The following ZNF462 variants were observed in gnomAD, a reference collection of about 807,000 sequenced individuals.
ZNF462 encodes the protein zinc finger protein 462.
ZNF462 carries 10 observed loss-of-function variants against 201.9 expected under a neutral mutation model. The ratio of observed to expected loss-of-function variants is 0.05; its 90% CI spans 0.03 to 0.08. The LOEUF is 0.08. Ranked by LOEUF, ZNF462 falls within the 10% of genes least tolerant of loss-of-function variation. ZNF462 has a pLI of 1.00. For synonymous variants in ZNF462, 1,227 were observed against 1,193.3 expected (o/e 1.03, Z -0.58); for missense variants, 2,523 against 3,168.3 (o/e 0.80, Z 4.89).
At position 106,984,233 on chromosome 9, in the gene ZNF462, T is replaced by C. The variant is rs1827658471; in HGVS notation, c.6880T>C (p.Tyr2294His). ...IEVCRSKLSK[Y>H]LQGVVFRCDK... Reference sequence around the variant, plus strand: ...AGTTTGCCGGTCCAAACTGTCCAAATACTTGCAGGGAGTAGTTTTCCGCTG... The same window carrying C: ...AGTTTGCCGGTCCAAACTGTCCAAACACTTGCAGGGAGTAGTTTTCCGCTG... The change falls in exon 10 of 13, where the codon TAC becomes CAC. Residue 2294 changes from tyrosine (Y) to histidine (H), a missense_variant. Around this residue, in one of 15 missense-constraint regions of ZNF462, gnomAD observed 228 missense variants for 361.2 expected, o/e 0.63. Coordinates refer to ENST00000277225, the MANE Select transcript of ZNF462 (RefSeq NM_021224.6). The surrounding 1 kb of genome is among the most constrained non-coding windows in gnomAD (Gnocchi z 6.4). The C allele has an allele frequency of 6.2e-7, 1 of 1,613,982 alleles. No homozygotes were observed. The highest frequency in any genetic ancestry group is 1.7e-5 in the Admixed American group (1 of 59,984).
Position 106,928,304 on chromosome 9 carries a change from C to T in ZNF462, c.4392C>T (p.Ala1464=), listed in dbSNP as rs1446186477. The T allele has an allele frequency of 1.2e-6, 2 of 1,614,006 alleles. No homozygotes were observed. The highest frequency in any genetic ancestry group is 2.7e-5 in the African/African-American group (2 of 74,910). The change falls in exon 3 of 13, where the codon GCC becomes GCT. Residue 1464 remains alanine, a synonymous_variant. Coordinates refer to ENST00000277225, the MANE Select transcript of ZNF462 (RefSeq NM_021224.6). This position sits in a 1 kb window ranked among gnomAD's most constrained non-coding sequence, Gnocchi z 9.3. ...KSLQLASANP[A]ISSTPYQCTV... ...TGCAGCTAGCTTCAGCCAACCCCGC[C>T]ATATCCTCCACCCCATACCAGTGCA...
chr9:106,952,026 C>T (rs371774173), intron 7 of ZNF462, among the ~76,000 whole-genome samples: 80 of 152,234 alleles, frequency 5.3e-4, no homozygotes, highest in African/African-American at 1.9e-3. Flanking sequence ...GAACCCACTT[C>T]TCCGTATAGA....
At chr9:106,911,089 G>A (rs1481413286) in intron 1 of ZNF462, among the ~76,000 whole-genome samples, 1 of 152,042 alleles carries the variant, frequency 6.6e-6, no homozygotes, top group Non-Finnish European at 1.5e-5. Context: ...ACTGTGTCAT[G>A]AACCCTTCTG....
Position 106,968,450 on chromosome 9 carries a change from T to C in ZNF462, c.6428-3555T>C, listed in dbSNP as rs1030486518. Among the ~76,000 whole-genome samples the C allele has an allele frequency of 6.6e-6, 1 of 152,220 alleles. No individual in the cohort carries two copies. The highest frequency in any genetic ancestry group is 1.5e-5 in the Non-Finnish European group (1 of 68,030). On this transcript the variant is annotated intron_variant, in intron 7 of 12. Coordinates refer to ENST00000277225, the MANE Select transcript of ZNF462 (RefSeq NM_021224.6). This position sits in a 1 kb window ranked among gnomAD's most constrained non-coding sequence, Gnocchi z 4.0. ...TAAATTTATTTTATAACTACAATTA[T>C]ACATTATAATTTCATTTCTAAAACT... is the stretch of plus-strand genomic sequence containing the variant.
rs553255587 is a variant in ZNF462, at chr9:106,883,756, C to A, written c.-31+20401C>A. Among the ~76,000 whole-genome samples the A allele has an allele frequency of 7.9e-5, 12 of 152,152 alleles. No individual in the cohort carries two copies. Among genetic ancestry groups the A allele is most frequent in the Non-Finnish European group, 1.8e-4 (12 of 68,026 alleles). The stretch of plus-strand genomic sequence containing the variant: ...ATTGAGGCTCCTTTGGCTTATTTAT[C>A]CTTCTACCTGGAATCAGCAGCCCTG... On this transcript the variant is annotated intron_variant, in intron 1 of 12. Transcript: ENST00000277225. This position sits in a 1 kb window ranked among gnomAD's most constrained non-coding sequence, Gnocchi z 4.9.
chr9:106,880,365 C>T lies in ZNF462; in HGVS notation c.-31+17010C>T, dbSNP rs928120828. On this transcript the variant is annotated intron_variant, in intron 1 of 12. Coordinates refer to ENST00000277225, the MANE Select transcript of ZNF462 (RefSeq NM_021224.6). The surrounding 1 kb of genome is among the most constrained non-coding windows in gnomAD (Gnocchi z 4.1). ...AACTTAACAGTGCAGAAATGAATTC[C>T]TTCTTTCAGCTACCTTACCACTTGT... 3.3e-5 allele frequency among the ~76,000 whole-genome samples: 5 copies of T among 152,228 alleles called. No homozygotes were observed. The highest frequency in any genetic ancestry group is 1.2e-4 in the African/African-American group (5 of 41,454).
At chr9:106,907,987 T>G (rs1051064226) in intron 1 of ZNF462, among the ~76,000 whole-genome samples, 1 of 152,064 alleles carries the variant, frequency 6.6e-6, no homozygotes, top group African/African-American at 2.4e-5. Flanking sequence ...TTAAAAAATT[T>G]TCTCAAATGT....
intron 6 of ZNF462, among the ~76,000 whole-genome samples, chr9:106,937,702 A>AAT (rs1312082149): frequency 6.6e-6 from 1 of 152,086 alleles, no homozygotes; most frequent in Non-Finnish European, 1.5e-5. Flanking sequence ...AATGCAATTG[A>AAT]ATATATATAT....
In ZNF462 at chr9:107,006,672, AC is replaced by A. The variant is rs1339618847; in HGVS notation, c.7190-2870del. The stretch of plus-strand genomic sequence containing the variant: ...CTGTTCCTTTTCCTGACTTGCACTC[AC>A]CCTCCTACCATGATGCCAGGGCTAA... On this transcript the variant is annotated intron_variant, in intron 11 of 12. Coordinates refer to ENST00000277225, the MANE Select transcript of ZNF462 (RefSeq NM_021224.6). The surrounding 1 kb of genome is among the most constrained non-coding windows in gnomAD (Gnocchi z 4.3). Among the ~76,000 whole-genome samples the A allele has an allele frequency of 6.6e-6, 1 of 151,728 alleles. No homozygotes were observed. The highest frequency in any genetic ancestry group is 1.5e-5 in the Non-Finnish European group (1 of 67,932).
chr9:106,957,496 A>T (rs1357025731), intron 7 of ZNF462, among the ~76,000 whole-genome samples: 6 of 152,166 alleles, frequency 3.9e-5, no homozygotes, highest in Non-Finnish European at 8.8e-5. Context: ...TGCTGGAAAA[A>T]TGGTGTCAAT....
chr9:107,003,236 G>A lies in ZNF462; in HGVS notation c.7057-58G>A. 2.5e-6 allele frequency: 4 copies of A among 1,599,362 alleles called. No individual in the cohort carries two copies. In the South Asian group the frequency reaches 3.4e-5, roughly 14 times the overall value. On this transcript the variant is annotated intron_variant, in intron 10 of 12. Transcript: ENST00000277225. This position sits in a 1 kb window ranked among gnomAD's most constrained non-coding sequence, Gnocchi z 4.4. ...GATGTTAGAAAGATCTCTCCATCAG[G>A]GAGAACCCCATTTGGTCTGCGGTTT...
At chr9:106,893,197 G>A (rs1282771315) in intron 1 of ZNF462, among the ~76,000 whole-genome samples, 1 of 152,162 alleles carries the variant, frequency 6.6e-6, no homozygotes, top group African/African-American at 2.4e-5. Context: ...GACCCACAGA[G>A]GTCAAGCAAC....
Position 107,010,838 on chromosome 9 carries a change from C to T in ZNF462, c.7329C>T (p.Thr2443=). 1 of 1,612,634 alleles carries T rather than the reference C, an allele frequency of 6.2e-7. No individual in the cohort carries two copies. ...VLRHGMALND[T]KQVSREEIHP... is the part of the protein sequence containing the mutation. ...GTTTTTCCAGGGCATTGAATGACACCAAGCAGGTGAGCAGAGAAGAAATCC... is the reference window on the plus strand; with the variant it reads ...GTTTTTCCAGGGCATTGAATGACACTAAGCAGGTGAGCAGAGAAGAAATCC... Residue 2443 remains threonine, a synonymous_variant, in exon 13 of 13, where the codon ACC becomes ACT. Transcript: ENST00000277225. This position sits in a 1 kb window ranked among gnomAD's most constrained non-coding sequence, Gnocchi z 4.6.
chr9:106,980,082 C>T (rs182392104), intron 9 of ZNF462, among the ~76,000 whole-genome samples: 18 of 152,238 alleles, frequency 1.2e-4, no homozygotes, highest in Admixed American at 1.0e-3. Flanking sequence ...TTACATGTTT[C>T]CTTTCAACTT....
intron 10 of ZNF462, among the ~76,000 whole-genome samples, chr9:106,998,474 T>C (rs535369456): frequency 5.3e-5 from 8 of 152,178 alleles, no homozygotes; most frequent in Non-Finnish European, 7.4e-5. Flanking sequence ...AAATACATGC[T>C]AAGACCAGAT....
chr9:106,930,108 A>G lies in ZNF462; in HGVS notation c.5847+349A>G, dbSNP rs1237524192. 1.3e-5 allele frequency among the ~76,000 whole-genome samples: 2 copies of G among 152,132 alleles called. No individual in the cohort carries two copies. Among genetic ancestry groups the G allele is most frequent in the Non-Finnish European group, 2.9e-5 (2 of 68,026 alleles). ...GCAGTGTGGGCTGTCTCTTGGTACC[A>G]TTAGCACTTCTCAGCCATGTCTTGG... On this transcript the variant is annotated intron_variant, in intron 3 of 12. Transcript: ENST00000277225. This position sits in a 1 kb window ranked among gnomAD's most constrained non-coding sequence, Gnocchi z 5.8.
intron 7 of ZNF462, among the ~76,000 whole-genome samples, chr9:106,951,472 G>A (rs1329658082): frequency 1.3e-5 from 2 of 152,100 alleles, no homozygotes; most frequent in Non-Finnish European, 2.9e-5. Context: ...ACAAGGGTAA[G>A]AAAGAAGCTT....
intron 7 of ZNF462, among the ~76,000 whole-genome samples, chr9:106,960,660 A>G (rs987486403): frequency 6.6e-6 from 1 of 152,132 alleles, no homozygotes; most frequent in African/African-American, 2.4e-5. Context: ...TCCAAAAAAC[A>G]TTAGAAAAAG....
chr9:106,860,965 C>T (rs1380655814), upstream of ZNF462, among the ~76,000 whole-genome samples: 2 of 152,026 alleles, frequency 1.3e-5, no homozygotes, highest in Middle Eastern at 3.2e-3. The surrounding 1 kb of genome is among the most constrained non-coding windows in gnomAD (Gnocchi z 7.1). Flanking sequence ...TCGGTGACTC[C>T]CGTTCCCCTT....
Sources: allele counts gnomAD v4.1 joint callset (sites outside exome capture counted in the v4.1 genomes callset), GRCh38; gene constraint gnomAD v4.1.1; regional missense constraint gnomAD v4.1.1; non-coding constraint Gnocchi (gnomAD v3.1); transcripts MANE v1.5; gene names NCBI Gene and HGNC (gene_info 2026-07-23, HGNC 2026-07-21).